Variants in NBAS observed in about 807,000 individuals in gnomAD.
NBAS encodes NAG/BC035112 fusion.
Under a neutral mutation model 302.5 loss-of-function variants are expected in NBAS, and 219 were observed. The observed-to-expected ratio is 0.72, with a 90% CI of 0.65 to 0.81. NBAS has a LOEUF of 0.81. Ranked by LOEUF, NBAS falls within the 30% of genes least tolerant of loss-of-function variation. The probability of loss-of-function intolerance (pLI) is 0.00; values close to 1 mark genes in which losing one functional copy is unlikely to be tolerated. For synonymous variants in NBAS, 1,118 were observed against 1,021.6 expected (o/e 1.09, Z -1.80); for missense variants, 2,932 against 2,841.6 (o/e 1.03, Z -0.72).
intron 47 of NBAS, among the ~76,000 whole-genome samples, chr2:15,219,330 T>A (rs55885767): frequency 0.084 from 12,624 of 150,150 alleles, 694 homozygotes; most frequent in South Asian, 0.22. Flanking sequence ...TCTTTTTTTT[T>A]AATTTTTTTT....
the NBAS span, among the ~76,000 whole-genome samples, chr2:15,029,018 C>T: frequency 6.6e-6 from 1 of 152,076 alleles, no homozygotes; most frequent in African/African-American, 2.4e-5. Flanking sequence ...GAGTTTATTC[C>T]CTTATTAGTT....
the NBAS span, among the ~76,000 whole-genome samples, chr2:14,779,010 G>C: frequency 1.3e-5 from 2 of 152,200 alleles, no homozygotes; most frequent in African/African-American, 4.8e-5. Flanking sequence ...CTCTACAAAT[G>C]AGCCCTCAGA....
At chr2:15,127,058 C>A in the NBAS span, among the ~76,000 whole-genome samples, 1 of 152,194 alleles carries the variant, frequency 6.6e-6, no homozygotes, top group African/African-American at 2.4e-5. Flanking sequence ...CAGGGCCAGC[C>A]TCACAGATAT....
At chr2:14,932,411 C>T in the NBAS span, among the ~76,000 whole-genome samples, 3 of 152,198 alleles carry the variant, frequency 2.0e-5, no homozygotes, top group Non-Finnish European at 4.4e-5. Flanking sequence ...GTTCTTTTAA[C>T]TATTGTTCTG....
intron 24 of NBAS, among the ~76,000 whole-genome samples, chr2:15,417,120 C>A (rs367594530): frequency 6.6e-6 from 1 of 152,122 alleles, no homozygotes; most frequent in Non-Finnish European, 1.5e-5. Flanking sequence ...ACATACTAAC[C>A]CTGAAGCCAA....
chr2:15,004,302 C>T, the NBAS span, among the ~76,000 whole-genome samples: 1 of 152,178 alleles, frequency 6.6e-6, no homozygotes, highest in African/African-American at 2.4e-5. Context: ...AAACAATTTA[C>T]AGTTTCGGGA....
At position 15,373,201 on chromosome 2, in the gene NBAS, A is replaced by G. The variant is rs533566402; in HGVS notation, c.3703+1407T>C. Reference sequence around the variant, plus strand: ...AAAAGTCACATGAATTGTACAAATGAATAAAATTTTCCAGTGATTTAGCAA... The same window carrying G: ...AAAAGTCACATGAATTGTACAAATGGATAAAATTTTCCAGTGATTTAGCAA... On this transcript the variant is annotated intron_variant, in intron 31 of 51. Transcript: ENST00000281513. Among the ~76,000 whole-genome samples the G allele has an allele frequency of 3.9e-5, 6 of 152,334 alleles. No individual in the cohort carries two copies. The South Asian group carries it at 1.2e-3, about 32-fold the overall frequency.
the NBAS span, among the ~76,000 whole-genome samples, chr2:14,830,724 A>G: frequency 0.038 from 5,814 of 152,180 alleles, 145 homozygotes; most frequent in Non-Finnish European, 0.056. Flanking sequence ...TGAAAAACAA[A>G]GCCCCTTCCA....
At chr2:15,139,021 C>A in the NBAS span, among the ~76,000 whole-genome samples, 1 of 151,912 alleles carries the variant, frequency 6.6e-6, no homozygotes, top group Admixed American at 6.6e-5. Context: ...TTTGTTTGTT[C>A]TTGGAGGGCA....
intron 11 of NBAS, among the ~76,000 whole-genome samples, chr2:15,493,364 T>G (rs2148619215): frequency 6.6e-6 from 1 of 152,234 alleles, no homozygotes; most frequent in East Asian, 1.9e-4. Flanking sequence ...AGCAACTACA[T>G]ATCACAATAA....
intron 48 of NBAS, among the ~76,000 whole-genome samples, chr2:15,205,743 C>T (rs145871740): frequency 4.2e-4 from 64 of 152,194 alleles, no homozygotes; most frequent in Admixed American, 1.6e-3. Flanking sequence ...AGAGTTCTCA[C>T]GAGATCTGGT....
the NBAS span, among the ~76,000 whole-genome samples, chr2:15,120,861 G>A: frequency 1.3e-5 from 2 of 152,220 alleles, no homozygotes; most frequent in African/African-American, 2.4e-5. Flanking sequence ...GGCATCCTTG[G>A]AGATTTATTC....
At chr2:15,190,541 C>G in intron 48 of NBAS, 138 bp from the exon 49 acceptor site, 1 of 1,002,802 alleles carries the variant, frequency 1.0e-6, no homozygotes, top group Non-Finnish European at 1.5e-6. Context: ...GAAAAACAAC[C>G]ACCTCAAAAG....
chr2:14,939,837 T>C, the NBAS span, among the ~76,000 whole-genome samples: 1 of 152,210 alleles, frequency 6.6e-6, no homozygotes, highest in Non-Finnish European at 1.5e-5. Context: ...AATGTCCAAA[T>C]GTTAAGAATG....
the NBAS span, among the ~76,000 whole-genome samples, chr2:15,013,111 G>A: frequency 7.0e-4 from 106 of 152,190 alleles, no homozygotes; most frequent in African/African-American, 2.3e-3. Flanking sequence ...TGCCCACCTC[G>A]GCCTCCCAAA....
chr2:15,145,275 G>A, the NBAS span, among the ~76,000 whole-genome samples: 1 of 152,012 alleles, frequency 6.6e-6, no homozygotes, highest in Non-Finnish European at 1.5e-5. Context: ...ATTTTGAGTG[G>A]CTTGCTTTAA....
At chr2:14,868,416 A>G in the NBAS span, among the ~76,000 whole-genome samples, 3 of 152,330 alleles carry the variant, frequency 2.0e-5, no homozygotes, top group South Asian at 4.1e-4. Flanking sequence ...CACCATGGCA[A>G]CATCTACATG....
chr2:15,017,460 TCAA>T, the NBAS span, among the ~76,000 whole-genome samples: 2 of 151,614 alleles, frequency 1.3e-5, no homozygotes, highest in Non-Finnish European at 2.9e-5. Flanking sequence ...CTCAAATATC[TCAA>T]CAACAACAAA....
the NBAS span, among the ~76,000 whole-genome samples, chr2:15,023,918 T>C: frequency 6.6e-6 from 1 of 152,132 alleles, no homozygotes; most frequent in African/African-American, 2.4e-5. Flanking sequence ...TTTTTACATA[T>C]TCAAATATAT....
Sources: gnomAD v4.1 joint callset for allele counts (sites outside exome capture counted in the v4.1 genomes callset) on GRCh38, gnomAD v4.1.1 for gene constraint, MANE v1.5 for transcripts, NCBI Gene and HGNC (gene_info 2026-07-23, HGNC 2026-07-21) for gene names.